KIRREL3: variants seen among roughly 807,000 people sequenced by gnomAD.
KIRREL3 encodes kin of IRRE-like protein 3.
A neutral mutation model predicts 89.7 loss-of-function variants in KIRREL3; 36 were observed. That is an observed-to-expected ratio of 0.40 (90% CI 0.31 to 0.53). The LOEUF (loss-of-function observed/expected upper bound fraction) is 0.53, where lower values mean the gene tolerates loss of function less well. Among genes scored for constraint, KIRREL3 ranks in the 20% least tolerant of loss-of-function variants. The pLI, the probability that KIRREL3 is intolerant of heterozygous loss-of-function variation, is 0.49. For missense variants in KIRREL3, 864 were observed against 1,056.6 expected (o/e 0.82, Z 2.53); for synonymous variants, 445 against 441.4 (o/e 1.01, Z -0.10).
intron 1 of KIRREL3, among the ~76,000 whole-genome samples, chr11:126,680,369 C>T (rs1463733329): frequency 6.6e-6 from 1 of 151,340 alleles, no homozygotes; most frequent in African/African-American, 2.5e-5. Flanking sequence ...TACCCATTAG[C>T]CCAATGCTCA....
chr11:126,481,607 C>A (rs1957221050), intron 4 of KIRREL3, among the ~76,000 whole-genome samples: 1 of 152,244 alleles, frequency 6.6e-6, no homozygotes, highest in South Asian at 2.1e-4. Flanking sequence ...TTTCTGGATT[C>A]CACTCTCAGT....
intron 1 of KIRREL3, among the ~76,000 whole-genome samples, chr11:126,767,422 C>T (rs982926724): frequency 2.0e-5 from 3 of 152,154 alleles, no homozygotes; most frequent in Admixed American, 1.3e-4. Context: ...ACAGACACTC[C>T]CAGGGACTCC....
In KIRREL3 at chr11:126,523,061, A is replaced by G. The variant is rs75276813; in HGVS notation, c.284-1597T>C. Among the ~76,000 whole-genome samples the G allele has an allele frequency of 3.9e-5, 6 of 152,218 alleles. No individual in the cohort carries two copies. The East Asian group carries it at 1.2e-3, about 29-fold the overall frequency. On this transcript the variant is annotated intron_variant, in intron 3 of 16. Coordinates refer to ENST00000525144, the MANE Select transcript of KIRREL3 (RefSeq NM_032531.4). This position sits in a 1 kb window ranked among gnomAD's most constrained non-coding sequence, Gnocchi z 4.9. Reference sequence around the variant, plus strand: ...AAGAATCTCTCAGTGTGGGTTGGGCATGTTCCTGAGCTCCCAAGGGCAGCA... The same window carrying G: ...AAGAATCTCTCAGTGTGGGTTGGGCGTGTTCCTGAGCTCCCAAGGGCAGCA...
At chr11:126,932,416 T>C (rs1947988748) in intron 1 of KIRREL3, among the ~76,000 whole-genome samples, 2 of 152,212 alleles carry the variant, frequency 1.3e-5, no homozygotes, top group African/African-American at 2.4e-5. Flanking sequence ...GTTCCCGTCT[T>C]GGACACCGAA....
rs1050853236 is a variant in KIRREL3, at chr11:126,486,053, G to A, written c.434-12587C>T. The stretch of plus-strand genomic sequence containing the variant: ...CCTGAAAGAGGGTCTGAGCATCTCA[G>A]GGCAGAGCTACTTGTGAGGAGACAG... On this transcript the variant is annotated intron_variant, in intron 4 of 16. Coordinates refer to ENST00000525144, the MANE Select transcript of KIRREL3 (RefSeq NM_032531.4). The surrounding 1 kb of genome is among the most constrained non-coding windows in gnomAD (Gnocchi z 6.2). Among the ~76,000 whole-genome samples the A allele has an allele frequency of 6.6e-6, 1 of 152,228 alleles. No homozygotes were observed. The highest frequency in any genetic ancestry group is 1.5e-5 in the Non-Finnish European group (1 of 68,040).
intron 5 of KIRREL3, among the ~76,000 whole-genome samples, chr11:126,472,978 C>T (rs1956944918): frequency 9.4e-6 from 1 of 106,070 alleles, no homozygotes; most frequent in South Asian, 4.0e-4. Context: ...CCCCACCATC[C>T]TCCTCTCTAC....
intron 4 of KIRREL3, among the ~76,000 whole-genome samples, chr11:126,512,392 G>C (rs886627078): frequency 2.6e-5 from 4 of 152,222 alleles, no homozygotes; most frequent in Non-Finnish European, 4.4e-5. Context: ...GGGGAATCCT[G>C]TCAATGGCCA....
intron 15 of KIRREL3, among the ~76,000 whole-genome samples, chr11:126,426,139 G>A (rs1019433743): frequency 6.6e-6 from 1 of 152,258 alleles, no homozygotes; most frequent in African/African-American, 2.4e-5. Context: ...TCATCAGGGA[G>A]ATGGACTTGT....
chr11:126,823,876 G>A (rs1478669712), intron 1 of KIRREL3, among the ~76,000 whole-genome samples: 1 of 152,216 alleles, frequency 6.6e-6, no homozygotes, highest in Admixed American at 6.5e-5. Context: ...AGGCACCCTG[G>A]TGCTAAGCAC....
At chr11:126,951,305 C>T (rs1394518720) in intron 1 of KIRREL3, among the ~76,000 whole-genome samples, 2 of 152,214 alleles carry the variant, frequency 1.3e-5, no homozygotes, top group Non-Finnish European at 1.5e-5. Flanking sequence ...CGTTGAGATG[C>T]TCTGGGTATT....
Position 126,440,520 on chromosome 11 carries a change from G to T in KIRREL3, c.1282C>A (p.Gln428Lys), listed in dbSNP as rs748755818. ...GPPIISSTQT[Q>K]HALHGEKGQI... ...CCCTTCTCGCCGTGGAGGGCGTGCT[G>T]GGTCTGGGTGCTGGAGATGATGGGG... The change falls in exon 11 of 17, where the codon CAG (glutamine) becomes AAG (lysine). Residue 428 changes from glutamine to lysine, a missense_variant. Transcript: ENST00000525144. 4 of 1,601,802 alleles carry T rather than the reference G, an allele frequency of 2.5e-6. No individual in the cohort carries two copies. In the East Asian group the frequency reaches 9.0e-5, roughly 36 times the overall value.
chr11:126,903,236 GCAATTAC>G lies in KIRREL3; in HGVS notation c.55+97212_55+97218del, dbSNP rs1173178915. Among the ~76,000 whole-genome samples the G allele has an allele frequency of 2.0e-5, 3 of 151,990 alleles. No homozygotes were observed. The highest frequency in any genetic ancestry group is 7.2e-5 in the African/African-American group (3 of 41,404). ...TTTAGAGGGAAAATAACGTCCCTCT[GCAATTAC>G]CATTTGGTATGAAGTTTAGGCACTC... On this transcript the variant is annotated intron_variant, in intron 1 of 16. Coordinates refer to ENST00000525144, the MANE Select transcript of KIRREL3 (RefSeq NM_032531.4). This position sits in a 1 kb window ranked among gnomAD's most constrained non-coding sequence, Gnocchi z 4.5.
intron 1 of KIRREL3, among the ~76,000 whole-genome samples, chr11:126,880,364 C>T (rs542189364): frequency 6.6e-6 from 1 of 152,148 alleles, no homozygotes; most frequent in Non-Finnish European, 1.5e-5. Context: ...TCAGTCAAAT[C>T]GTCCCTTCGT....
chr11:126,638,274 C>G (rs1195256218), intron 1 of KIRREL3, among the ~76,000 whole-genome samples: 1 of 152,208 alleles, frequency 6.6e-6, no homozygotes, highest in Non-Finnish European at 1.5e-5. Context: ...AATAGAAACA[C>G]CTTGCTTGTT....
intron 4 of KIRREL3, among the ~76,000 whole-genome samples, chr11:126,478,064 G>A (rs1957115084): frequency 6.6e-6 from 1 of 152,218 alleles, no homozygotes; most frequent in South Asian, 2.1e-4. Context: ...CTGCCCCTGG[G>A]GCCTCGGTCT....
intron 5 of KIRREL3, among the ~76,000 whole-genome samples, chr11:126,467,113 T>G (rs1167803644): frequency 6.6e-6 from 1 of 152,218 alleles, no homozygotes. Flanking sequence ...TACACCCCCG[T>G]GGGTATGTGC....
rs1955166523 is a variant in KIRREL3 at position 126,432,329 on chromosome 11, G to A, written c.1589-803C>T. On this transcript the variant is annotated intron_variant, in intron 13 of 16. Transcript: ENST00000525144. This position sits in a 1 kb window ranked among gnomAD's most constrained non-coding sequence, Gnocchi z 6.2. ...CCAAGCCGAGTGGGGGTAGGGACAG[G>A]GAGGGTAAGGATAGAGTCGGGGGTG... 6.6e-6 allele frequency among the ~76,000 whole-genome samples: 1 copy of A among 152,190 alleles called. No homozygotes were observed. The highest frequency in any genetic ancestry group is 1.5e-5 in the Non-Finnish European group (1 of 68,020).
chr11:126,663,004 C>G (rs956567711), intron 1 of KIRREL3, among the ~76,000 whole-genome samples: 2 of 141,870 alleles, frequency 1.4e-5, no homozygotes, highest in Non-Finnish European at 3.0e-5. Flanking sequence ...TGTTCACTGT[C>G]CCTTCTGGCA....
chr11:126,774,508 T>G lies in KIRREL3; in HGVS notation c.56-211596A>C, dbSNP rs546238170. Among the ~76,000 whole-genome samples the G allele has an allele frequency of 1.3e-4, 20 of 152,328 alleles. No individual in the cohort carries two copies. The South Asian group carries it at 3.9e-3, about 30-fold the overall frequency. On this transcript the variant is annotated intron_variant, in intron 1 of 16. Coordinates refer to ENST00000525144, the MANE Select transcript of KIRREL3 (RefSeq NM_032531.4). ...TTGGTCATCCACGCTCTGGGCTACC[T>G]GGACCCAGGACAGTGTGCATGCCTT...
Sources: allele counts gnomAD v4.1 joint callset (sites outside exome capture counted in the v4.1 genomes callset), GRCh38; gene constraint gnomAD v4.1.1; non-coding constraint Gnocchi (gnomAD v3.1); transcripts MANE v1.5; gene names NCBI Gene and HGNC (gene_info 2026-07-23, HGNC 2026-07-21).